Variants in CREBBP observed in about 807,000 individuals in gnomAD.
CREBBP encodes CREB binding lysine acetyltransferase.
A neutral mutation model predicts 265.0 loss-of-function variants in CREBBP; 19 were observed. The ratio of observed to expected loss-of-function variants is 0.07; its 90% confidence interval spans 0.05 to 0.11. The LOEUF is 0.11. Among genes scored for constraint, CREBBP ranks in the 10% least tolerant of loss-of-function variants. The pLI is 1.00. For synonymous variants in CREBBP, 1,457 were observed against 1,223.7 expected, an observed-to-expected ratio of 1.19 and a Z score of -3.98; for missense variants, 2,525 against 3,219.0, an observed-to-expected ratio of 0.78 and a Z score of 5.22.
At chr16:3,750,471 A>T (rs1192728757) in intron 20 of CREBBP, among the ~76,000 whole-genome samples, 1 of 152,218 alleles carries the variant, frequency 6.6e-6, no homozygotes, top group African/African-American at 2.4e-5. Context: ...TGGGGAACTC[A>T]GTCTGACGAA....
chr16:3,825,597 A>G (rs559288210), intron 2 of CREBBP, among the ~76,000 whole-genome samples: 1 of 151,858 alleles, frequency 6.6e-6, no homozygotes, highest in African/African-American at 2.4e-5. Context: ...CTGACAAAAA[A>G]AAAAGAAAAT....
chr16:3,800,226 T>C (rs944612922), intron 3 of CREBBP, among the ~76,000 whole-genome samples: 3 of 152,184 alleles, frequency 2.0e-5, no homozygotes, highest in African/African-American at 7.2e-5. Flanking sequence ...CAAGCGATCC[T>C]CTCACCTCAG....
Position 3,735,235 on chromosome 16 carries a change from G to A in CREBBP, c.4728+801C>T, listed in dbSNP as rs130011. Among the ~76,000 whole-genome samples, 237 of 152,298 alleles carry A rather than the reference G, an allele frequency of 1.6e-3. 4 individuals are homozygous for A. Among genetic ancestry groups the A allele is most frequent in the South Asian group, 0.013 (62 of 4,828 alleles). ...GCCACGCTCAGAGCACACCATGCTTGGGTCTGGGTTCTTTTTGTTTCACAT... is the reference window on the plus strand; with the variant it reads ...GCCACGCTCAGAGCACACCATGCTTAGGTCTGGGTTCTTTTTGTTTCACAT... On this transcript the variant is annotated intron_variant, in intron 28 of 30. Coordinates refer to ENST00000262367, the MANE Select transcript of CREBBP (RefSeq NM_004380.3).
intron 1 of CREBBP, among the ~76,000 whole-genome samples, chr16:3,869,761 C>T (rs1047226303): frequency 6.6e-6 from 1 of 152,294 alleles, no homozygotes; most frequent in Admixed American, 6.5e-5. Flanking sequence ...GAGGGCATCC[C>T]GAGAACACAG....
intron 28 of CREBBP, among the ~76,000 whole-genome samples, chr16:3,735,508 G>A (rs2052032043): frequency 6.6e-6 from 1 of 152,162 alleles, no homozygotes; most frequent in African/African-American, 2.4e-5. Context: ...GTGTTAGCCA[G>A]GCTGGTCTCC....
intron 3 of CREBBP, among the ~76,000 whole-genome samples, chr16:3,795,968 GCT>G (rs1296817683): frequency 2.0e-5 from 3 of 152,172 alleles, no homozygotes; most frequent in Non-Finnish European, 2.9e-5. Flanking sequence ...GTCTTTTAGA[GCT>G]GGTGTTCACA....
At position 3,728,852 on chromosome 16, in the gene CREBBP, G is replaced by A. The variant is rs374150949; in HGVS notation, c.6195C>T (p.Ser2065=). Residue 2065 remains serine (S), a synonymous_variant, in exon 31 of 31, where the codon AGC becomes AGT. Coordinates refer to ENST00000262367, the MANE Select transcript of CREBBP (RefSeq NM_004380.3). The surrounding 1 kb of genome is among the most constrained non-coding windows in gnomAD (Gnocchi z 8.7). ...GGGTCCGCAGCAGGTCTTGCAGAGC[G>A]CTGGGTGAGATGCTCCTGGGTGGCT... ...SVQPPRSISP[S]ALQDLLRTLK... is the part of the protein sequence containing the mutation. 122 of 1,613,154 alleles carry A rather than the reference G, an allele frequency of 7.6e-5. No individual in the cohort carries two copies. The East Asian group carries it at 8.7e-4, about 11-fold the overall frequency.
chr16:3,763,841 A>T (rs2052781312), intron 16 of CREBBP, among the ~76,000 whole-genome samples: 1 of 150,016 alleles, frequency 6.7e-6, no homozygotes, highest in Admixed American at 6.6e-5. Context: ...GGAAAAAAGC[A>T]ATCTTTTTTT....
intron 13 of CREBBP, among the ~76,000 whole-genome samples, chr16:3,771,995 A>T (rs1456041333): frequency 6.6e-6 from 1 of 151,702 alleles, no homozygotes; most frequent in Non-Finnish European, 1.5e-5. Context: ...AAAATTTATG[A>T]ATTGTTTATT....
At position 3,728,379 on chromosome 16, in the gene CREBBP, C is replaced by A. The variant is rs1030728642; in HGVS notation, c.6668G>T (p.Gly2223Val). ...QQQQGSAGMA[G>V]GMAGHGQFQQ... ...GAACTGGCCGTGCCCCGCCATGCCC[C>A]CAGCCATGCCGGCACTCCCTTGCTG... The change falls in exon 31 of 31, where the codon GGG (glycine) becomes GTG (valine). Residue 2223 changes from glycine (G) to valine (V), a missense_variant. Coordinates refer to ENST00000262367, the MANE Select transcript of CREBBP (RefSeq NM_004380.3). This position sits in a 1 kb window ranked among gnomAD's most constrained non-coding sequence, Gnocchi z 8.7. 1.9e-6 allele frequency: 3 copies of A among 1,613,386 alleles called. No individual in the cohort carries two copies. The African/African-American group carries it at 4.0e-5, about 22-fold the overall frequency.
intron 2 of CREBBP, among the ~76,000 whole-genome samples, chr16:3,813,328 C>G (rs2053973675): frequency 6.6e-6 from 1 of 152,210 alleles, no homozygotes; most frequent in South Asian, 2.1e-4. Context: ...ACAAACCAGA[C>G]TCAATTTCGA....
At chr16:3,832,153 C>G (rs543963137) in intron 2 of CREBBP, among the ~76,000 whole-genome samples, 13 of 151,930 alleles carry the variant, frequency 8.6e-5, no homozygotes, top group Admixed American at 7.9e-4. Context: ...TAGCTAATAC[C>G]TATTAGCTAT....
At chr16:3,869,351 T>C (rs1597084107) in intron 1 of CREBBP, among the ~76,000 whole-genome samples, 1 of 152,222 alleles carries the variant, frequency 6.6e-6, no homozygotes, top group East Asian at 1.9e-4. Flanking sequence ...AAATATTTTC[T>C]AAATTAGTGA....
At chr16:3,853,070 C>T (rs1396764566) in intron 1 of CREBBP, among the ~76,000 whole-genome samples, 5 of 152,072 alleles carry the variant, frequency 3.3e-5, no homozygotes, top group African/African-American at 1.2e-4. Context: ...CTGCCTCCAG[C>T]TCCCTATTCA....
chr16:3,771,112 A>G, intron 13 of CREBBP, 126 bp from the exon 14 acceptor site: 1 of 985,824 alleles, frequency 1.0e-6, no homozygotes, highest in Non-Finnish European at 1.5e-6. Context: ...CTTGTCGCCC[A>G]GGCTGCAATG....
intron 1 of CREBBP, among the ~76,000 whole-genome samples, chr16:3,869,388 C>T (rs984206989): frequency 4.6e-5 from 7 of 152,126 alleles, no homozygotes; most frequent in Non-Finnish European, 8.8e-5. Context: ...TGACCTAAGC[C>T]GTGAATATTT....
intron 2 of CREBBP, among the ~76,000 whole-genome samples, chr16:3,820,416 G>GTC (rs2054119514): frequency 6.6e-6 from 1 of 152,200 alleles, no homozygotes; most frequent in Non-Finnish European, 1.5e-5. Context: ...CTGGGCAGGT[G>GTC]AACAGCCCAC....
chr16:3,728,411 C>CTGTTGCTGCTGTTGT lies in CREBBP; in HGVS notation c.6621_6635dup (p.Gln2212_Gln2216dup). The CTGTTGCTGCTGTTGT allele has an allele frequency of 6.2e-7, 1 of 1,613,164 alleles. No homozygotes were observed. Among genetic ancestry groups the CTGTTGCTGCTGTTGT allele is most frequent in the African/African-American group, 1.3e-5 (1 of 74,920 alleles). On this transcript the variant is annotated inframe_insertion, in exon 31 of 31. Coordinates refer to ENST00000262367, the MANE Select transcript of CREBBP (RefSeq NM_004380.3). The surrounding 1 kb of genome is among the most constrained non-coding windows in gnomAD (Gnocchi z 8.7). ...TGCCGGCACTCCCTTGCTGCTGCTG[C>CTGTTGCTGCTGTTGT]TGTTGCTGCTGTTGTTGCTGCTGCT... is the stretch of plus-strand genomic sequence containing the variant.
chr16:3,752,455 G>GTT (rs58414601), intron 19 of CREBBP, among the ~76,000 whole-genome samples: 10 of 140,140 alleles, frequency 7.1e-5, no homozygotes, highest in Non-Finnish European at 9.4e-5. Context: ...ATTTTTTCCT[G>GTT]TTTTTTTTTT....
Sources: allele counts gnomAD v4.1 joint callset (sites outside exome capture counted in the v4.1 genomes callset), GRCh38; gene constraint gnomAD v4.1.1; non-coding constraint Gnocchi (gnomAD v3.1); transcripts MANE v1.5; gene names NCBI Gene and HGNC (gene_info 2026-07-23, HGNC 2026-07-21).